The following LRMDA variants were observed in gnomAD, a reference collection of about 807,000 sequenced individuals.
LRMDA encodes the protein leucine rich melanocyte differentiation associated.
LRMDA carries 18 observed loss-of-function variants against 29.8 expected under a neutral mutation model. The observed-to-expected ratio is 0.60, with a 90% confidence interval of 0.42 to 0.90. LRMDA has a LOEUF of 0.90. Ranked by LOEUF, LRMDA falls within the 40% of genes least tolerant of loss-of-function variation. The pLI is 0.00. For missense variants in LRMDA, 273 were observed against 273.9 expected, an observed-to-expected ratio of 1.00 and a Z score of 0.02; for synonymous variants, 125 against 109.4, an observed-to-expected ratio of 1.14 and a Z score of -0.89.
intron 2 of LRMDA, among the ~76,000 whole-genome samples, chr10:75,970,907 T>C (rs1846956094): frequency 6.6e-6 from 1 of 152,234 alleles, no homozygotes; most frequent in Non-Finnish European, 1.5e-5. Flanking sequence ...GAAAATACTT[T>C]CACAGCCATT....
At chr10:76,484,808 TG>T (rs1564555061) in intron 6 of LRMDA, among the ~76,000 whole-genome samples, 1 of 151,870 alleles carries the variant, frequency 6.6e-6, no homozygotes, top group Non-Finnish European at 1.5e-5. Flanking sequence ...TTTTGCCTCA[TG>T]TATTTTGATG....
At chr10:76,182,885 G>A (rs1040456434) in intron 5 of LRMDA, among the ~76,000 whole-genome samples, 3 of 152,174 alleles carry the variant, frequency 2.0e-5, no homozygotes, top group African/African-American at 7.2e-5. Context: ...AGAATGGTGA[G>A]CAGCATCAAG....
intron 2 of LRMDA, among the ~76,000 whole-genome samples, chr10:75,494,077 A>T (rs140089847): frequency 8.5e-5 from 13 of 152,248 alleles, no homozygotes; most frequent in African/African-American, 2.9e-4. Flanking sequence ...TAAAGCATCA[A>T]TTCTCTCTCT....
chr10:75,605,816 A>T (rs987393931), intron 2 of LRMDA, among the ~76,000 whole-genome samples: 10 of 152,150 alleles, frequency 6.6e-5, no homozygotes, highest in African/African-American at 2.4e-4. Context: ...AGCGGCTGGG[A>T]ACTGAGTACT....
intron 2 of LRMDA, among the ~76,000 whole-genome samples, chr10:75,517,573 T>G (rs1023175290): frequency 1.1e-4 from 16 of 152,232 alleles, no homozygotes; most frequent in Non-Finnish European, 1.8e-4. Flanking sequence ...TTTGCTGAAG[T>G]TGCTTCTCAG....
At chr10:75,850,040 T>A (rs762906374) in intron 2 of LRMDA, among the ~76,000 whole-genome samples, 7 of 152,230 alleles carry the variant, frequency 4.6e-5, no homozygotes, top group Non-Finnish European at 7.3e-5. Context: ...TTATTTTAGA[T>A]CATTATGATG....
intron 6 of LRMDA, among the ~76,000 whole-genome samples, chr10:76,463,568 G>A (rs1307912090): frequency 6.6e-6 from 1 of 152,178 alleles, no homozygotes; most frequent in Non-Finnish European, 1.5e-5. Context: ...TTCACTGCAA[G>A]TTTTAGAGTG....
At chr10:76,039,680 A>G (rs1011753157) in intron 3 of LRMDA, among the ~76,000 whole-genome samples, 1 of 152,088 alleles carries the variant, frequency 6.6e-6, no homozygotes, top group Non-Finnish European at 1.5e-5. Context: ...TCTACCCTAA[A>G]CCTGCCACTT....
chr10:76,003,252 C>T (rs919947837), intron 2 of LRMDA, among the ~76,000 whole-genome samples: 1 of 152,152 alleles, frequency 6.6e-6, no homozygotes, highest in African/African-American at 2.4e-5. Flanking sequence ...GGTGGAAAAT[C>T]AGAGGCCATG....
chr10:75,479,534 C>A (rs546060516), intron 2 of LRMDA, among the ~76,000 whole-genome samples: 2 of 151,684 alleles, frequency 1.3e-5, no homozygotes, highest in East Asian at 1.9e-4. Context: ...GTACACGCAA[C>A]CTTGGGAGGA....
intron 5 of LRMDA, among the ~76,000 whole-genome samples, chr10:76,180,515 G>A (rs1168892915): frequency 4.0e-5 from 6 of 151,794 alleles, no homozygotes; most frequent in South Asian, 2.1e-4. Context: ...TCCTGACCTC[G>A]TGATCCTCCT....
intron 2 of LRMDA, among the ~76,000 whole-genome samples, chr10:75,777,534 G>A (rs993278533): frequency 9.2e-5 from 14 of 152,216 alleles, no homozygotes; most frequent in African/African-American, 3.1e-4. Context: ...TTGTTGAAGG[G>A]CTATGTCTTC....
chr10:76,092,883 A>AT (rs1037208192), intron 5 of LRMDA, among the ~76,000 whole-genome samples: 25 of 152,228 alleles, frequency 1.6e-4, no homozygotes, highest in East Asian at 5.8e-4. Context: ...CAATTTATGC[A>AT]TTTTTTTATC....
At chr10:76,290,411 C>CT (rs11321369) in intron 5 of LRMDA, among the ~76,000 whole-genome samples, 3,018 of 76,506 alleles carry the variant, frequency 0.039, 55 homozygotes, top group Non-Finnish European at 0.05. Flanking sequence ...TTTATTTTCT[C>CT]TTTTTTTTTT....
intron 6 of LRMDA, among the ~76,000 whole-genome samples, chr10:76,409,870 CA>C (rs1483264992): frequency 6.6e-6 from 1 of 152,136 alleles, no homozygotes; most frequent in Non-Finnish European, 1.5e-5. Flanking sequence ...ATAGAATCTA[CA>C]AAAACAAATT....
intron 2 of LRMDA, among the ~76,000 whole-genome samples, chr10:75,903,168 A>G (rs1845703768): frequency 6.6e-6 from 1 of 152,340 alleles, no homozygotes; most frequent in East Asian, 1.9e-4. Flanking sequence ...TAAGTCATTG[A>G]GGGAATTTCC....
intron 2 of LRMDA, among the ~76,000 whole-genome samples, chr10:75,540,168 C>T (rs1267814487): frequency 1.3e-5 from 2 of 151,962 alleles, no homozygotes; most frequent in South Asian, 2.1e-4. Context: ...GGTGTGGGAG[C>T]GTATTTTAGG....
intron 2 of LRMDA, among the ~76,000 whole-genome samples, chr10:75,893,129 G>T (rs1210959447): frequency 1.3e-5 from 2 of 152,140 alleles, no homozygotes; most frequent in African/African-American, 4.8e-5. Context: ...CGTGTGTTTG[G>T]TAGCATGCAC....
At chr10:76,049,617 C>A (rs1848497030) in intron 4 of LRMDA, among the ~76,000 whole-genome samples, 1 of 152,196 alleles carries the variant, frequency 6.6e-6, no homozygotes, top group African/African-American at 2.4e-5. Flanking sequence ...ATTCTATGGT[C>A]TGTAAGCAGA....
Sources: allele counts gnomAD v4.1 joint callset (sites outside exome capture counted in the v4.1 genomes callset), GRCh38; gene constraint gnomAD v4.1.1; transcripts MANE v1.5; gene names NCBI Gene and HGNC (gene_info 2026-07-23, HGNC 2026-07-21).